Variants in CLEC1A observed in about 807,000 individuals in gnomAD.
CLEC1A encodes C-type lectin-like receptor-1.
CLEC1A carries 34 observed loss-of-function variants against 28.7 expected under a neutral mutation model. The observed-to-expected ratio is 1.18, with a 90% CI of 0.90 to 1.57. CLEC1A has a LOEUF of 1.57. Ranked by LOEUF, CLEC1A falls within the 40% of genes most tolerant of loss-of-function variation. The probability of loss-of-function intolerance (pLI) is 0.00; values close to 1 mark genes in which losing one functional copy is unlikely to be tolerated. For missense variants in CLEC1A, 385 were observed against 339.5 expected (o/e 1.13, Z -1.05); for synonymous variants, 116 against 121.0 (o/e 0.96, Z 0.27).
At chr12:10,088,463 G>A (rs1230632127) in intron 2 of CLEC1A, among the ~76,000 whole-genome samples, 1 of 19,130 alleles carries the variant, frequency 5.2e-5, no homozygotes, top group Admixed American at 3.6e-4. Flanking sequence ...ACTGTTCAAA[G>A]AACAGTTAAA....
chr12:10,089,343 CAG>C (rs998475169), intron 1 of CLEC1A, 121 bp from the exon 2 acceptor site: 31 of 744,026 alleles, frequency 4.2e-5, no homozygotes, highest in Admixed American at 3.8e-4. Flanking sequence ...ACAACGGTAA[CAG>C]GGGCTGGATA....
At chr12:10,093,865 A>T (rs1387828844) in intron 1 of CLEC1A, among the ~76,000 whole-genome samples, 2 of 152,126 alleles carry the variant, frequency 1.3e-5, no homozygotes, top group Non-Finnish European at 2.9e-5. Flanking sequence ...CATATGGCAC[A>T]TAGGAAACTT....
rs1198149541 is a variant in CLEC1A, at chr12:10,075,632, C to T, written c.415G>A (p.Glu139Lys). 3 of 1,613,852 alleles carry T rather than the reference C, an allele frequency of 1.9e-6. No individual in the cohort carries two copies. Among genetic ancestry groups the T allele is most frequent in the East Asian group, 4.5e-5 (2 of 44,892 alleles). The change falls in exon 4 of 6, where the codon GAA (glutamate) becomes AAA (lysine). Residue 139 changes from glutamate to lysine, a missense_variant. Physicochemically the swap from Glu to Lys is moderately conservative, Grantham distance 56. Transcript: ENST00000315330. ...AGAHRCSPCT[E>K]QWKWHGDNCY... ...TTGTCTCCATGCCATTTCCATTGTT[C>T]TGTACAAGGGCTGCACCTGTGTGCT...
intron 2 of CLEC1A, among the ~76,000 whole-genome samples, chr12:10,088,278 C>T (rs1866541657): frequency 6.6e-6 from 1 of 152,068 alleles, no homozygotes; most frequent in Non-Finnish European, 1.5e-5. Flanking sequence ...AGTTCTATCA[C>T]AATGAAACAA....
chr12:10,090,858 A>G (rs1471410337), intron 1 of CLEC1A, among the ~76,000 whole-genome samples: 1 of 152,026 alleles, frequency 6.6e-6, no homozygotes, highest in Non-Finnish European at 1.5e-5. Flanking sequence ...CTACTTCCCT[A>G]CTTAAAAACT....
intron 3 of CLEC1A, among the ~76,000 whole-genome samples, chr12:10,077,822 A>G (rs1170250017): frequency 1.3e-5 from 2 of 151,990 alleles, no homozygotes; most frequent in African/African-American, 4.8e-5. Context: ...TTTGGGCAAA[A>G]GGAATGTAAG....
Position 10,098,979 on chromosome 12 carries a change from C to T in CLEC1A, c.-57G>A. On this transcript the variant is annotated 5_prime_UTR_variant, in exon 1 of 6. Transcript: ENST00000315330. ...GGTCGGATTGCCCTGGGCCGCCGGG[C>T]TACTGTGAGCTAGTTCAGGAAGCAA... is the stretch of plus-strand genomic sequence containing the variant. 1 of 1,241,548 alleles carries T rather than the reference C, an allele frequency of 8.1e-7. No homozygotes were observed. Among genetic ancestry groups the T allele is most frequent in the South Asian group, 1.3e-5 (1 of 77,156 alleles). 76.9% of individuals were successfully genotyped at this position (1,241,548 alleles called of 1,614,324 possible).
intron 3 of CLEC1A, among the ~76,000 whole-genome samples, chr12:10,077,035 C>T (rs1436827358): frequency 6.6e-6 from 1 of 152,022 alleles, no homozygotes; most frequent in Non-Finnish European, 1.5e-5. Context: ...TCTATGTGCT[C>T]TATGTAAAAA....
intron 2 of CLEC1A, chr12:10,084,373 G>T (rs1348237806): frequency 1.3e-5 from 2 of 152,134 alleles, no homozygotes; most frequent in Admixed American, 6.5e-5. Context: ...CTGGTCAAGG[G>T]TATATGTGTA....
In CLEC1A at chr12:10,088,351, C is replaced by T. The variant is rs1866543350; in HGVS notation, c.214+773G>A. On this transcript the variant is annotated intron_variant, in intron 2 of 5. Transcript: ENST00000315330. ...TTAATTTTGAAATATAAGACACAAA[C>T]AGAAGTATTAAAATTCCTATAAAAC... 3.9e-5 allele frequency among the ~76,000 whole-genome samples: 6 copies of T among 152,094 alleles called. No individual in the cohort carries two copies. The South Asian group carries it at 1.0e-3, about 26-fold the overall frequency.
intron 2 of CLEC1A, among the ~76,000 whole-genome samples, chr12:10,087,060 C>A (rs1490207981): frequency 6.6e-6 from 1 of 151,756 alleles, no homozygotes; most frequent in Non-Finnish European, 1.5e-5. Flanking sequence ...ACAAAATTAG[C>A]CAGGTGTGGT....
At chr12:10,092,246 G>A (rs1378537941) in intron 1 of CLEC1A, among the ~76,000 whole-genome samples, 2 of 152,184 alleles carry the variant, frequency 1.3e-5, no homozygotes, top group African/African-American at 4.8e-5. Context: ...GCTTAGGCCT[G>A]TAATCTCATC....
chr12:10,092,350 A>C (rs1947717760), intron 1 of CLEC1A: 1 of 299,038 alleles, frequency 3.3e-6, no homozygotes, highest in Non-Finnish European at 6.7e-6. Flanking sequence ...ATCTCTACAA[A>C]AGATAGCAAC....
chr12:10,069,728 C>T lies in CLEC1A; in HGVS notation c.*1605G>A, dbSNP rs1351199876. ...CTAACCACAAATACAGTTTTCTTTG[C>T]ATGACACAATATATCAACAGAACTT... On this transcript the variant is annotated 3_prime_UTR_variant, in exon 6 of 6. Transcript: ENST00000315330. The T allele has an allele frequency of 2.0e-5, 3 of 152,176 alleles. No homozygotes were observed. In the South Asian group the frequency reaches 6.2e-4, roughly 31 times the overall value. 9.4% of individuals were successfully genotyped at this position (152,176 alleles called of 1,614,324 possible). A position where few individuals can be genotyped will look rare whatever the true frequency, so the allele number is the denominator to read the frequency against.
chr12:10,081,495 G>A (rs1866370906), intron 2 of CLEC1A, 82 bp from the exon 3 acceptor site: 3 of 1,168,418 alleles, frequency 2.6e-6, no homozygotes, highest in Non-Finnish European at 1.2e-6. Context: ...AGACAAAACA[G>A]TATATTTTTT....
intron 1 of CLEC1A, among the ~76,000 whole-genome samples, chr12:10,093,407 G>T (rs924520813): frequency 1.4e-5 from 2 of 145,368 alleles, no homozygotes; most frequent in Admixed American, 6.9e-5. Context: ...TATCCTCTTA[G>T]TATTAACCAT....
At chr12:10,085,581 T>C (rs1217534185) in intron 2 of CLEC1A, among the ~76,000 whole-genome samples, 1 of 149,112 alleles carries the variant, frequency 6.7e-6, no homozygotes, top group African/African-American at 2.5e-5. Context: ...TTATAGACAT[T>C]ATATAGTGAT....
At chr12:10,096,259 C>T (rs1947774605) in intron 1 of CLEC1A, among the ~76,000 whole-genome samples, 1 of 152,174 alleles carries the variant, frequency 6.6e-6, no homozygotes, top group South Asian at 2.1e-4. Context: ...TCTCAGTTAA[C>T]ATCAGCACCA....
intron 2 of CLEC1A, chr12:10,084,472 G>A (rs3994131): frequency 0.78 from 119,100 of 152,018 alleles, 48,006 homozygotes; most frequent in Middle Eastern, 0.88. Context: ...AAAGATTATC[G>A]CCTAGGTAAA....
Sources: gnomAD v4.1 joint callset for allele counts (sites outside exome capture counted in the v4.1 genomes callset) on GRCh38, gnomAD v4.1.1 for gene constraint, MANE v1.5 for transcripts, NCBI Gene and HGNC (gene_info 2026-07-23, HGNC 2026-07-21) for gene names.